PDZD2: variants seen among roughly 807,000 people sequenced by gnomAD.
PDZD2 encodes PDZ domain containing 2.
PDZD2 carries 90 observed loss-of-function variants against 220.7 expected under a neutral mutation model. That is an observed-to-expected ratio of 0.41 (90% CI 0.34 to 0.49). PDZD2 has a LOEUF of 0.49. Among genes scored for constraint, PDZD2 ranks in the 20% least tolerant of loss-of-function variants. The pLI, the probability that PDZD2 is intolerant of heterozygous loss-of-function variation, is 0.28. For missense variants in PDZD2, 3,174 were observed against 3,608.5 expected (o/e 0.88, Z 3.08); for synonymous variants, 1,375 against 1,450.5 (o/e 0.95, Z 1.18).
chr5:31,869,938 C>T (rs1361555196), intron 2 of PDZD2, among the ~76,000 whole-genome samples: 3 of 152,082 alleles, frequency 2.0e-5, no homozygotes, highest in African/African-American at 7.2e-5. Context: ...GGAGCCTCTC[C>T]GGCGATACTC....
chr5:31,670,109 C>T (rs1746158456), intron 1 of PDZD2, among the ~76,000 whole-genome samples: 1 of 152,122 alleles, frequency 6.6e-6, no homozygotes, highest in South Asian at 2.1e-4. Context: ...GCTAAGCTCA[C>T]CCCTTTTCCT....
chr5:31,885,727 C>T (rs867380544), intron 2 of PDZD2, among the ~76,000 whole-genome samples: 30 of 152,078 alleles, frequency 2.0e-4, no homozygotes, highest in Middle Eastern at 3.4e-3. Context: ...ACTATGTAGC[C>T]ATTAAGTCAA....
At chr5:31,990,643 A>T (rs994326130) in intron 3 of PDZD2, among the ~76,000 whole-genome samples, 3 of 152,204 alleles carry the variant, frequency 2.0e-5, no homozygotes, top group African/African-American at 7.2e-5. Flanking sequence ...GCGGATAAAC[A>T]TTCTATATTT....
At chr5:31,672,194 C>G (rs1746241138) in intron 1 of PDZD2, among the ~76,000 whole-genome samples, 2 of 152,218 alleles carry the variant, frequency 1.3e-5, no homozygotes, top group Admixed American at 1.3e-4. Context: ...TACTGCTTCT[C>G]AGACTTGAAT....
chr5:31,992,939 C>T lies in PDZD2; in HGVS notation c.979-2637C>T, dbSNP rs1031862908. On this transcript the variant is annotated intron_variant, in intron 3 of 24. Coordinates refer to ENST00000438447, the MANE Select transcript of PDZD2 (RefSeq NM_178140.4). ...GCCACAGGGCTGCTCCCTATGCTGG[C>T]GTGGGAGGCCCAGAAAGCCAGGACA... Among the ~76,000 whole-genome samples the T allele has an allele frequency of 6.6e-5, 10 of 151,662 alleles. No individual in the cohort carries two copies. In the East Asian group the frequency reaches 1.2e-3, roughly 18 times the overall value.
At chr5:32,032,512 G>A (rs1346613567) in intron 6 of PDZD2, among the ~76,000 whole-genome samples, 1 of 152,150 alleles carries the variant, frequency 6.6e-6, no homozygotes, top group East Asian at 1.9e-4. Flanking sequence ...CTGTGTGAAC[G>A]TTCAGCCTTC....
At chr5:31,772,586 C>G (rs1039334882) in intron 1 of PDZD2, among the ~76,000 whole-genome samples, 1 of 152,154 alleles carries the variant, frequency 6.6e-6, no homozygotes, top group African/African-American at 2.4e-5. Context: ...TAACTGGCAC[C>G]TCAACTCCAA....
intron 18 of PDZD2, among the ~76,000 whole-genome samples, chr5:32,075,337 C>T (rs1379168786): frequency 1.3e-5 from 2 of 152,174 alleles, no homozygotes; most frequent in Admixed American, 6.5e-5. Context: ...GAGCTTAGTT[C>T]TCTGGGCTGG....
chr5:31,710,018 G>A (rs949655444), intron 1 of PDZD2, among the ~76,000 whole-genome samples: 3 of 152,236 alleles, frequency 2.0e-5, no homozygotes, highest in African/African-American at 7.2e-5. Context: ...GCCACTTTTG[G>A]AGAGTGTGCA....
At chr5:32,003,312 A>C (rs1752472210) in intron 5 of PDZD2, among the ~76,000 whole-genome samples, 2 of 75,990 alleles carry the variant, frequency 2.6e-5, no homozygotes, top group African/African-American at 5.6e-5. Context: ...CACACCACAC[A>C]CACCCCACAC....
At chr5:31,642,648 A>G (rs576943736) in intron 1 of PDZD2, among the ~76,000 whole-genome samples, 41 of 152,230 alleles carry the variant, frequency 2.7e-4, no homozygotes, top group Non-Finnish European at 5.0e-4. Context: ...TTTGGTAAAC[A>G]AAAGAGATGT....
At chr5:31,975,745 C>G (rs141506570) in intron 2 of PDZD2, among the ~76,000 whole-genome samples, 6 of 147,822 alleles carry the variant, frequency 4.1e-5, no homozygotes, top group Non-Finnish European at 7.4e-5. Context: ...GCAAAGAAAT[C>G]GATTATCTTC....
chr5:31,840,446 A>ATATATTTATTTATT (rs1561499439), intron 2 of PDZD2: 1 of 69,134 alleles, frequency 1.4e-5, no homozygotes, highest in Non-Finnish European at 2.6e-5. Context: ...ATATATATAT[A>ATATATTTATTTATT]TATTTGTTTA....
chr5:31,868,227 C>T lies in PDZD2; in HGVS notation c.476+68503C>T, dbSNP rs189454700. Among the ~76,000 whole-genome samples the T allele has an allele frequency of 6.8e-4, 104 of 152,262 alleles. No homozygotes were observed. In the East Asian group the frequency reaches 0.014, roughly 21 times the overall value. On this transcript the variant is annotated intron_variant, in intron 2 of 24. Coordinates refer to ENST00000438447, the MANE Select transcript of PDZD2 (RefSeq NM_178140.4). Reference sequence around the variant, plus strand: ...TTGGGAGGCTGAGGTGGGTGGATCACGAGGGTCAGCAGTTCAAGGCCAGCC... The same window carrying T: ...TTGGGAGGCTGAGGTGGGTGGATCATGAGGGTCAGCAGTTCAAGGCCAGCC...
intron 19 of PDZD2, among the ~76,000 whole-genome samples, chr5:32,081,585 T>C (rs1477185923): frequency 1.3e-5 from 2 of 152,210 alleles, no homozygotes; most frequent in Admixed American, 6.5e-5. Context: ...TTCTCTCTCC[T>C]TCCCAATGAA....
intron 8 of PDZD2, among the ~76,000 whole-genome samples, chr5:32,052,338 G>A (rs900963257): frequency 2.0e-5 from 3 of 152,208 alleles, no homozygotes; most frequent in Non-Finnish European, 2.9e-5. Flanking sequence ...TAGAGCCGGG[G>A]TTTCACCACG....
At chr5:31,923,417 CG>C in intron 2 of PDZD2, 6 of 1,248,732 alleles carry the variant, frequency 4.8e-6, no homozygotes, top group Non-Finnish European at 7.1e-6. Context: ...AGCTCTTCAA[CG>C]GGGGCCAGTT....
chr5:32,088,144 A>G lies in PDZD2; in HGVS notation c.4696A>G (p.Thr1566Ala). The G allele has an allele frequency of 6.2e-7, 1 of 1,614,162 alleles. No homozygotes were observed. The part of the protein sequence containing the change: ...EDSSSDPESL[T>A]EAPRASARDG... ...TTCTTCTTCTGACCCTGAGTCACTC[A>G]CTGAAGCCCCACGAGCTTCTGCCAG... is the stretch of plus-strand genomic sequence containing the variant. Residue 1566 changes from threonine to alanine, a missense_variant, in exon 20 of 25, where the codon ACT becomes GCT. Thr to Ala is a moderately conservative substitution (Grantham distance 58, BLOSUM62 0). Coordinates refer to ENST00000438447, the MANE Select transcript of PDZD2 (RefSeq NM_178140.4). This position sits in a 1 kb window ranked among gnomAD's most constrained non-coding sequence, Gnocchi z 4.6.
chr5:31,921,360 C>T (rs1310994488), intron 2 of PDZD2, among the ~76,000 whole-genome samples: 3 of 147,722 alleles, frequency 2.0e-5, no homozygotes, highest in African/African-American at 7.5e-5. Flanking sequence ...GTGAACTATG[C>T]TCAAATGGTT....
Sources: allele counts gnomAD v4.1 joint callset (sites outside exome capture counted in the v4.1 genomes callset), GRCh38; gene constraint gnomAD v4.1.1; non-coding constraint Gnocchi (gnomAD v3.1); transcripts MANE v1.5; gene names NCBI Gene and HGNC (gene_info 2026-07-23, HGNC 2026-07-21).